KAZN: variants seen among roughly 807,000 people sequenced by gnomAD.
KAZN encodes kazrin, periplakin interacting protein.
In KAZN, 40 loss-of-function variants were observed where a neutral mutation model predicts 87.4. The ratio of observed to expected loss-of-function variants is 0.46; its 90% CI spans 0.36 to 0.60. The LOEUF (loss-of-function observed/expected upper bound fraction) is 0.60, where lower values mean the gene tolerates loss of function less well. Ranked by LOEUF, KAZN falls within the 20% of genes least tolerant of loss-of-function variation. The pLI, the probability that KAZN is intolerant of heterozygous loss-of-function variation, is 0.00. For synonymous variants in KAZN, 466 were observed against 458.3 expected (o/e 1.02, Z -0.22); for missense variants, 898 against 1,073.9 (o/e 0.84, Z 2.29).
chr1:14,820,150 G>T lies in KAZN; in HGVS notation c.227-140534G>T, dbSNP rs1469110232. On this transcript the variant is annotated intron_variant, in intron 1 of 14. Transcript: ENST00000376030. This position sits in a 1 kb window ranked among gnomAD's most constrained non-coding sequence, Gnocchi z 4.1. ...GTTTCCTGGGGCCCTTCCCAAATATGCAGATTCAGTAGGAGTGGCAGGGCC... is the reference window on the plus strand; with the variant it reads ...GTTTCCTGGGGCCCTTCCCAAATATTCAGATTCAGTAGGAGTGGCAGGGCC... Among the ~76,000 whole-genome samples the T allele has an allele frequency of 6.6e-6, 1 of 152,204 alleles. No homozygotes were observed. Among genetic ancestry groups the T allele is most frequent in the Non-Finnish European group, 1.5e-5 (1 of 68,044 alleles).
intron 1 of KAZN, among the ~76,000 whole-genome samples, chr1:14,103,716 T>C (rs56812699): frequency 0.053 from 8,026 of 152,260 alleles, 718 homozygotes; most frequent in African/African-American, 0.18. Flanking sequence ...TGTGATTTTA[T>C]TGGGCTCACT....
intron 1 of KAZN, among the ~76,000 whole-genome samples, chr1:14,601,688 G>A (rs1010440011): frequency 6.6e-6 from 1 of 152,110 alleles, no homozygotes; most frequent in African/African-American, 2.4e-5. Flanking sequence ...AGCTCCTCAG[G>A]GTTTCTGACT....
intron 2 of KAZN, among the ~76,000 whole-genome samples, chr1:14,191,533 T>C (rs1479165208): frequency 6.6e-6 from 1 of 152,110 alleles, no homozygotes; most frequent in African/African-American, 2.4e-5. Context: ...AGACAGTCTT[T>C]TATCTGTCTT....
At chr1:13,955,291 A>G (rs1217062223) in intron 1 of KAZN, among the ~76,000 whole-genome samples, 6 of 152,282 alleles carry the variant, frequency 3.9e-5, no homozygotes. Context: ...TTATACCCGT[A>G]TGACTGTCAT....
intron 1 of KAZN, among the ~76,000 whole-genome samples, chr1:14,610,372 G>A (rs375525487): frequency 5.3e-5 from 8 of 152,182 alleles, no homozygotes; most frequent in Non-Finnish European, 5.9e-5. Flanking sequence ...ACAGGCACCC[G>A]CCACCATGCC....
At chr1:14,131,986 C>A (rs1462142618) in intron 1 of KAZN, among the ~76,000 whole-genome samples, 1 of 152,142 alleles carries the variant, frequency 6.6e-6, no homozygotes, top group Non-Finnish European at 1.5e-5. Context: ...GTGCCACCTG[C>A]CACTCACCCA....
At chr1:14,454,681 G>A (rs1039620724) in intron 2 of KAZN, among the ~76,000 whole-genome samples, 3 of 152,186 alleles carry the variant, frequency 2.0e-5, no homozygotes, top group African/African-American at 7.2e-5. Context: ...ATACATTATT[G>A]AGGATAGCAG....
chr1:14,340,034 C>A (rs1334354540), intron 2 of KAZN, among the ~76,000 whole-genome samples: 1 of 152,192 alleles, frequency 6.6e-6, no homozygotes. Flanking sequence ...TTTAGCATTA[C>A]AGTGAACACA....
intron 1 of KAZN, 147 bp from the exon 2 acceptor site, chr1:14,960,537 A>G: frequency 1.3e-6 from 1 of 786,870 alleles, no homozygotes; most frequent in Non-Finnish European, 2.0e-6. Flanking sequence ...TCTTTGGAAT[A>G]AGGCAGTGGC....
chr1:14,729,203 A>T (rs1239517306), intron 1 of KAZN, among the ~76,000 whole-genome samples: 3 of 152,228 alleles, frequency 2.0e-5, no homozygotes. Flanking sequence ...GAGGAGGGAC[A>T]GCAAAGAAAT....
At chr1:14,180,451 C>A (rs1277201880) in exon 2 of KAZN, 1 of 1,550,160 alleles carries the variant, frequency 6.5e-7, no homozygotes, top group South Asian at 1.2e-5. Context: ...AATCATTGCA[C>A]ACCCTCAATG....
In KAZN at chr1:15,083,814, C is replaced by T. The variant is rs71631708; in HGVS notation, c.1223-10366C>T. 9.4e-3 allele frequency among the ~76,000 whole-genome samples: 1,431 copies of T among 152,316 alleles called. 5 individuals carry two copies. The highest frequency in any genetic ancestry group is 0.016 in the Non-Finnish European group (1,072 of 68,030). On this transcript the variant is annotated intron_variant, in intron 8 of 14. Coordinates refer to ENST00000376030, the MANE Select transcript of KAZN (RefSeq NM_201628.3). ...TCCCACACCCCACACACCATCCTGC[C>T]TCTTGCCAGTTTGAGCAATCCTTGC...
At chr1:14,078,780 G>A (rs1423654586) in intron 1 of KAZN, among the ~76,000 whole-genome samples, 1 of 152,158 alleles carries the variant, frequency 6.6e-6, no homozygotes, top group African/African-American at 2.4e-5. Context: ...TGCCTCCTGG[G>A]TTCAAACGAT....
chr1:14,346,680 C>T (rs2789747), intron 2 of KAZN, among the ~76,000 whole-genome samples: 52,489 of 151,810 alleles, frequency 0.35, 9,599 homozygotes, highest in East Asian at 0.54. Context: ...ATTGAGGTGG[C>T]GCCCAGGACA....
At chr1:14,691,385 A>G (rs1641298416) in intron 1 of KAZN, among the ~76,000 whole-genome samples, 1 of 152,228 alleles carries the variant, frequency 6.6e-6, no homozygotes, top group Admixed American at 6.5e-5. Flanking sequence ...GTATATATAC[A>G]TATGTTCATT....
chr1:14,753,858 A>G (rs979221859), intron 1 of KAZN, among the ~76,000 whole-genome samples: 2 of 152,206 alleles, frequency 1.3e-5, no homozygotes, highest in Admixed American at 1.3e-4. Context: ...GTCCAAGATG[A>G]AGACTCCAGC....
chr1:14,883,409 A>AAGAAAGAT, intron 1 of KAZN, among the ~76,000 whole-genome samples: 1 of 146,490 alleles, frequency 6.8e-6, no homozygotes, highest in Admixed American at 6.7e-5. Flanking sequence ...GAAAGAAAGA[A>AAGAAAGAT]AGAAAGAAAG....
intron 2 of KAZN, among the ~76,000 whole-genome samples, chr1:14,419,791 G>C (rs1465690595): frequency 1.3e-5 from 2 of 152,030 alleles, no homozygotes; most frequent in East Asian, 1.9e-4. Flanking sequence ...ATCCGGAGTT[G>C]TTCATTCCTC....
chr1:14,872,434 C>G (rs1652245742), intron 1 of KAZN, among the ~76,000 whole-genome samples: 1 of 152,198 alleles, frequency 6.6e-6, no homozygotes, highest in Admixed American at 6.5e-5. Flanking sequence ...ATATGGCTAA[C>G]AGCAACCATA....
Sources: gnomAD v4.1 joint callset for allele counts (sites outside exome capture counted in the v4.1 genomes callset) on GRCh38, gnomAD v4.1.1 for gene constraint, Gnocchi (gnomAD v3.1) non-coding constraint, MANE v1.5 for transcripts, NCBI Gene and HGNC (gene_info 2026-07-23, HGNC 2026-07-21) for gene names.